The following DCDC2C variants were observed in gnomAD, a reference collection of about 807,000 sequenced individuals.
The protein encoded by DCDC2C is doublecortin domain-containing protein 2C.
A neutral mutation model predicts 45.0 loss-of-function variants in DCDC2C; 44 were observed. The ratio of observed to expected loss-of-function variants is 0.98; its 90% CI spans 0.77 to 1.26. DCDC2C has a LOEUF of 1.26. DCDC2C is among the 50% of genes most tolerant of loss of function. The pLI, the probability that DCDC2C is intolerant of heterozygous loss-of-function variation, is 0.00. For missense variants in DCDC2C, 447 were observed against 468.9 expected (o/e 0.95, Z 0.43); for synonymous variants, 187 against 178.8 (o/e 1.05, Z -0.37).
intron 10 of DCDC2C, among the ~76,000 whole-genome samples, chr2:3,842,437 AG>A (rs1672235319): frequency 6.6e-6 from 1 of 151,540 alleles, no homozygotes; most frequent in Admixed American, 6.6e-5. Context: ...AGGGTGAGGA[AG>A]GGGGTGGTGG....
intron 6 of DCDC2C, among the ~76,000 whole-genome samples, chr2:3,755,011 G>A (rs1200256483): frequency 6.6e-6 from 1 of 152,204 alleles, no homozygotes; most frequent in African/African-American, 2.4e-5. Context: ...GACATTCCAG[G>A]CAGATGTGAC....
At chr2:3,744,123 T>C (rs1669292332) in intron 4 of DCDC2C, among the ~76,000 whole-genome samples, 1 of 152,150 alleles carries the variant, frequency 6.6e-6, no homozygotes, top group Non-Finnish European at 1.5e-5. Flanking sequence ...CCTGCTGGAC[T>C]GCACGCTGAA....
At position 3,818,318 on chromosome 2, in the gene DCDC2C, G is replaced by T. The variant is rs1329930146; in HGVS notation, c.1066-28836G>T. Among the ~76,000 whole-genome samples the T allele has an allele frequency of 2.6e-5, 4 of 152,210 alleles. No individual in the cohort carries two copies. The highest frequency in any genetic ancestry group is 2.6e-4 in the Admixed American group (4 of 15,290). On this transcript the variant is annotated intron_variant, in intron 10 of 10. Transcript: ENST00000399143. The surrounding 1 kb of genome is among the most constrained non-coding windows in gnomAD (Gnocchi z 4.7). Reference sequence around the variant, plus strand: ...CTGATGGGTGTCAGGGTCTGTCCAAGTGAAAGCGAAGAGAGGCTGGGATGA... The same window carrying T: ...CTGATGGGTGTCAGGGTCTGTCCAATTGAAAGCGAAGAGAGGCTGGGATGA...
intron 10 of DCDC2C, among the ~76,000 whole-genome samples, chr2:3,824,628 AG>A: frequency 6.6e-6 from 1 of 152,158 alleles, no homozygotes; most frequent in Non-Finnish European, 1.5e-5. Flanking sequence ...CTTTCTGCTT[AG>A]GGTTGGGGCT....
At chr2:3,735,414 G>GC (rs1491544584) in intron 3 of DCDC2C, among the ~76,000 whole-genome samples, 1 of 150,570 alleles carries the variant, frequency 6.6e-6, no homozygotes, top group African/African-American at 2.4e-5. Flanking sequence ...TCCCTCCCCT[G>GC]CCCCCCACCC....
intron 10 of DCDC2C, among the ~76,000 whole-genome samples, chr2:3,820,320 G>A (rs1422403908): frequency 6.6e-6 from 1 of 152,158 alleles, no homozygotes; most frequent in Non-Finnish European, 1.5e-5. Context: ...GAGTTGAAGA[G>A]GTTTTAAGTT....
chr2:3,757,347 G>A (rs1669749052), intron 6 of DCDC2C, among the ~76,000 whole-genome samples: 1 of 152,098 alleles, frequency 6.6e-6, no homozygotes, highest in Admixed American at 6.5e-5. Flanking sequence ...TTGCCTTGTG[G>A]AATGTGGGGG....
Position 3,800,838 on chromosome 2 carries a change from G to A in DCDC2C, c.1065+15738G>A, listed in dbSNP as rs114490865. ...ATTTGGTGGCAGTGAGTACGGCTGG[G>A]AGCAGTGGCTTTGATTAGTCCTCAG... On this transcript the variant is annotated intron_variant, in intron 10 of 10. Coordinates refer to ENST00000399143, the MANE Select transcript of DCDC2C (RefSeq NM_001287444.2). Among the ~76,000 whole-genome samples, 561 of 124,084 alleles carry A rather than the reference G, an allele frequency of 4.5e-3. 16 individuals are homozygous for A. Among genetic ancestry groups the A allele is most frequent in the African/African-American group, 0.013 (512 of 39,652 alleles). The allele number at this position is 124,084 out of a possible 152,430, so 81.4% of individuals were successfully genotyped here.
intron 10 of DCDC2C, among the ~76,000 whole-genome samples, chr2:3,800,819 T>C (rs1671094738): frequency 8.1e-6 from 1 of 124,040 alleles, no homozygotes; most frequent in African/African-American, 2.5e-5. Context: ...AGTGATTTGG[T>C]GGCAGTGAGT....
At chr2:3,759,474 A>G (rs1401483104) in intron 6 of DCDC2C, among the ~76,000 whole-genome samples, 1 of 152,186 alleles carries the variant, frequency 6.6e-6, no homozygotes, top group Non-Finnish European at 1.5e-5. Context: ...ATCTTGATTC[A>G]AAGACGTGAG....
chr2:3,756,119 C>T (rs1251300677), intron 6 of DCDC2C, among the ~76,000 whole-genome samples: 2 of 151,788 alleles, frequency 1.3e-5, no homozygotes, highest in African/African-American at 4.8e-5. Context: ...TTTGAAGTTG[C>T]AGCATAAAGC....
chr2:3,711,769 G>A (rs1409170555), intron 2 of DCDC2C, among the ~76,000 whole-genome samples: 1 of 152,182 alleles, frequency 6.6e-6, no homozygotes, highest in East Asian at 1.9e-4. Context: ...ATTAATGATT[G>A]CTTATAGAGA....
chr2:3,746,143 A>T (rs1476950236), intron 4 of DCDC2C, among the ~76,000 whole-genome samples: 2 of 152,318 alleles, frequency 1.3e-5, no homozygotes, highest in East Asian at 3.9e-4. Context: ...CCTCAGCCCC[A>T]CTGCAGCCCA....
intron 10 of DCDC2C, among the ~76,000 whole-genome samples, chr2:3,836,445 G>A (rs1461783646): frequency 6.6e-6 from 1 of 152,192 alleles, no homozygotes; most frequent in Non-Finnish European, 1.5e-5. Flanking sequence ...TAGTTCGGGG[G>A]AAATCCAAAT....
intron 4 of DCDC2C, among the ~76,000 whole-genome samples, chr2:3,742,937 C>T (rs1212654459): frequency 1.3e-5 from 2 of 152,196 alleles, no homozygotes; most frequent in Admixed American, 1.3e-4. Flanking sequence ...TGGTGCTAGT[C>T]ATGATGATGG....
In DCDC2C at chr2:3,790,711, G is replaced by A. The variant is rs115111159; in HGVS notation, c.1065+5611G>A. Among the ~76,000 whole-genome samples the A allele has an allele frequency of 7.7e-3, 1,174 of 152,250 alleles. 14 individuals carry two copies. The highest frequency in any genetic ancestry group is 0.027 in the African/African-American group (1,129 of 41,528). On this transcript the variant is annotated intron_variant, in intron 10 of 10. Coordinates refer to ENST00000399143, the MANE Select transcript of DCDC2C (RefSeq NM_001287444.2). Reference sequence around the variant, plus strand: ...TTTTATTGCTTCTCTAAGAGACAAGGTCAATAGCAATCAACATTGGAGTCT... The same window carrying A: ...TTTTATTGCTTCTCTAAGAGACAAGATCAATAGCAATCAACATTGGAGTCT...
intron 4 of DCDC2C, among the ~76,000 whole-genome samples, chr2:3,747,340 G>A (rs529434736): frequency 5.3e-5 from 8 of 152,324 alleles, no homozygotes; most frequent in East Asian, 1.9e-4. Context: ...TGATGTAGGC[G>A]ACACTCATTC....
chr2:3,836,857 G>A (rs1381768395), intron 10 of DCDC2C, among the ~76,000 whole-genome samples: 14 of 64,466 alleles, frequency 2.2e-4, no homozygotes, highest in Non-Finnish European at 2.9e-4. Flanking sequence ...GCGAGACTCC[G>A]TCTCAAAAAA....
intron 9 of DCDC2C, 131 bp downstream of exon 9, chr2:3,779,015 G>C (rs935526136): frequency 3.6e-6 from 3 of 828,394 alleles, no homozygotes. Context: ...GCGCGGAATC[G>C]GAAGCGAGTG....
Sources: gnomAD v4.1 joint callset for allele counts (sites outside exome capture counted in the v4.1 genomes callset) on GRCh38, gnomAD v4.1.1 for gene constraint, Gnocchi (gnomAD v3.1) non-coding constraint, MANE v1.5 for transcripts, NCBI Gene and HGNC (gene_info 2026-07-23, HGNC 2026-07-21) for gene names.